The following GLIS3 variants were observed in gnomAD, a reference collection of about 807,000 sequenced individuals.
GLIS3 encodes the protein zinc finger protein GLIS3.
A neutral mutation model predicts 78.6 loss-of-function variants in GLIS3; 53 were observed. The observed-to-expected ratio is 0.67, with a 90% CI of 0.54 to 0.85. The LOEUF is 0.85. Among genes scored for constraint, GLIS3 ranks in the 40% least tolerant of loss-of-function variants. The pLI is 0.00. For missense variants in GLIS3, 1,703 were observed against 1,231.1 expected (o/e 1.38, Z -5.74); for synonymous variants, 684 against 509.9 (o/e 1.34, Z -4.60).
intron 4 of GLIS3, among the ~76,000 whole-genome samples, chr9:3,983,697 T>G (rs116200588): frequency 0.023 from 3,561 of 152,216 alleles, 135 homozygotes; most frequent in African/African-American, 0.081. Flanking sequence ...ATTTTTCCCC[T>G]GCCATAGAGA....
intron 2 of GLIS3, among the ~76,000 whole-genome samples, chr9:4,280,326 T>A (rs73382396): frequency 0.03 from 4,533 of 152,326 alleles, 232 homozygotes; most frequent in African/African-American, 0.1. Flanking sequence ...CAGCCTGGGC[T>A]GTATTTTAAA....
chr9:3,965,764 G>C (rs1043603136), intron 4 of GLIS3, among the ~76,000 whole-genome samples: 3 of 152,180 alleles, frequency 2.0e-5, no homozygotes, highest in Non-Finnish European at 4.4e-5. Flanking sequence ...ACCAGGTGAT[G>C]ACCCAGAGCT....
chr9:3,859,048 G>C (rs992228988), intron 8 of GLIS3, among the ~76,000 whole-genome samples: 2 of 152,158 alleles, frequency 1.3e-5, no homozygotes. Context: ...GGACAGGAGA[G>C]GCATGGAGAA....
At chr9:3,829,180 C>A (rs890278093) in intron 10 of GLIS3, 130 bp downstream of exon 10, 1 of 759,436 alleles carries the variant, frequency 1.3e-6, no homozygotes, top group Non-Finnish European at 2.3e-6. Flanking sequence ...AGAGCCATTT[C>A]AGGGGTCGTT....
intron 4 of GLIS3, among the ~76,000 whole-genome samples, chr9:4,096,800 C>T (rs1829985778): frequency 6.6e-6 from 1 of 152,066 alleles, no homozygotes; most frequent in Non-Finnish European, 1.5e-5. Context: ...TTGCTTGAAC[C>T]CTGGAGCTCA....
chr9:4,362,714 T>C, the GLIS3 span, among the ~76,000 whole-genome samples: 2 of 152,184 alleles, frequency 1.3e-5, no homozygotes, highest in Non-Finnish European at 2.9e-5. Context: ...AAGAGGAGGA[T>C]GCATGGAAAA....
chr9:4,154,071 G>A (rs1199184595), intron 2 of GLIS3, among the ~76,000 whole-genome samples: 1 of 152,196 alleles, frequency 6.6e-6, no homozygotes, highest in Non-Finnish European at 1.5e-5. Context: ...ACCAACACAT[G>A]GCCTCTGCAC....
chr9:3,948,175 G>A (rs1026511351), intron 4 of GLIS3, among the ~76,000 whole-genome samples: 1 of 152,114 alleles, frequency 6.6e-6, no homozygotes, highest in Non-Finnish European at 1.5e-5. Flanking sequence ...CTTTCAAGGT[G>A]GAACTTTTCT....
the GLIS3 span, among the ~76,000 whole-genome samples, chr9:4,462,572 C>T: frequency 6.6e-6 from 1 of 150,982 alleles, no homozygotes; most frequent in East Asian, 2.0e-4. Context: ...GCCTGGGCAA[C>T]ATAGCGAGAT....
intron 2 of GLIS3, among the ~76,000 whole-genome samples, chr9:4,126,781 C>CT (rs932318184): frequency 2.6e-5 from 4 of 152,128 alleles, no homozygotes; most frequent in Middle Eastern, 3.2e-3. Flanking sequence ...CTTTTTCAAA[C>CT]TTTTTTTGTC....
chr9:3,880,489 T>G (rs1821651636), intron 7 of GLIS3, among the ~76,000 whole-genome samples: 1 of 152,242 alleles, frequency 6.6e-6, no homozygotes, highest in South Asian at 2.1e-4. Flanking sequence ...AGCATTAGGC[T>G]GATTCTCTTT....
At chr9:4,375,623 A>G in the GLIS3 span, among the ~76,000 whole-genome samples, 1 of 152,258 alleles carries the variant, frequency 6.6e-6, no homozygotes, top group African/African-American at 2.4e-5. Context: ...ACAACTAAGT[A>G]GAACTACACG....
At chr9:4,195,535 T>G (rs1044565815) in intron 2 of GLIS3, among the ~76,000 whole-genome samples, 2 of 152,208 alleles carry the variant, frequency 1.3e-5, no homozygotes, top group African/African-American at 4.8e-5. Context: ...CACCTCCCCA[T>G]GGGGCAGGGC....
intron 4 of GLIS3, among the ~76,000 whole-genome samples, chr9:3,987,862 TA>T (rs1819899773): frequency 1.5e-5 from 2 of 132,890 alleles, no homozygotes; most frequent in Non-Finnish European, 3.2e-5. Flanking sequence ...AAATATACAC[TA>T]AAACACATCA....
chr9:3,856,323 A>T, intron 8 of GLIS3, 139 bp from the exon 9 acceptor site: 3 of 763,046 alleles, frequency 3.9e-6, no homozygotes. Flanking sequence ...AAAATCTTTC[A>T]GGATTTTTCT....
At chr9:4,309,105 G>A (rs764624260) in intron 3 of GLIS3, 1 of 152,196 alleles carries the variant, frequency 6.6e-6, no homozygotes, top group Non-Finnish European at 1.5e-5. Context: ...AGATAAAACA[G>A]AATCAGCCTG....
chr9:4,126,168 T>A lies in GLIS3; in HGVS notation c.389-227A>T, dbSNP rs371697213. ...AGCACTCATACAAAATGTGCTTAAATTTTACTCCTTCTATGTAGAAGTGTC... is the reference window on the plus strand; with the variant it reads ...AGCACTCATACAAAATGTGCTTAAAATTTACTCCTTCTATGTAGAAGTGTC... On this transcript the variant is annotated intron_variant, in intron 2 of 10. Transcript: ENST00000381971. 1.5e-3 allele frequency among the ~76,000 whole-genome samples: 235 copies of A among 152,268 alleles called. 2 individuals are homozygous for A. Among genetic ancestry groups the A allele is most frequent in the African/African-American group, 5.1e-3 (213 of 41,552 alleles).
the GLIS3 span, among the ~76,000 whole-genome samples, chr9:4,442,140 G>C: frequency 6.6e-6 from 1 of 152,034 alleles, no homozygotes; most frequent in South Asian, 2.1e-4. Context: ...TCACTATTGG[G>C]CTGTTCAAAT....
intron 4 of GLIS3, among the ~76,000 whole-genome samples, chr9:3,998,042 G>A (rs1485574616): frequency 6.6e-6 from 1 of 152,060 alleles, no homozygotes; most frequent in Non-Finnish European, 1.5e-5. Context: ...TATTGTCACT[G>A]TTCTTTTTGG....
Sources: gnomAD v4.1 joint callset for allele counts (sites outside exome capture counted in the v4.1 genomes callset) on GRCh38, gnomAD v4.1.1 for gene constraint, MANE v1.5 for transcripts, NCBI Gene and HGNC (gene_info 2026-07-23, HGNC 2026-07-21) for gene names.